Variants in CHST9 observed in about 807,000 individuals in gnomAD.
CHST9 encodes GalNAc-4-sulfotransferase 2.
CHST9 carries 41 observed loss-of-function variants against 44.4 expected under a neutral mutation model. That is an observed-to-expected ratio of 0.92 (90% CI 0.72 to 1.20). CHST9 has a LOEUF of 1.20. Ranked by LOEUF, CHST9 falls within the 50% of genes most tolerant of loss-of-function variation. The pLI is 0.00. For missense variants in CHST9, 504 were observed against 516.5 expected, an observed-to-expected ratio of 0.98 and a Z score of 0.23; for synonymous variants, 171 against 178.4, an observed-to-expected ratio of 0.96 and a Z score of 0.33.
chr18:27,018,579 T>C (rs1296602702), intron 4 of CHST9, among the ~76,000 whole-genome samples: 1 of 152,172 alleles, frequency 6.6e-6, no homozygotes, highest in East Asian at 1.9e-4. Context: ...CAAACAGTAC[T>C]TTTTCTTTCC....
At chr18:27,073,686 T>G (rs1365953930) in intron 2 of CHST9, among the ~76,000 whole-genome samples, 1 of 151,824 alleles carries the variant, frequency 6.6e-6, no homozygotes, top group Non-Finnish European at 1.5e-5. Context: ...GATTGACGTA[T>G]TCAGTAGCCA....
intron 2 of CHST9, among the ~76,000 whole-genome samples, chr18:27,051,409 A>G (rs2057565385): frequency 6.6e-6 from 1 of 152,154 alleles, no homozygotes; most frequent in Non-Finnish European, 1.5e-5. Flanking sequence ...ACAAAGCAGG[A>G]CCCCATCTCA....
chr18:26,987,841 T>C (rs1383065434), intron 4 of CHST9, among the ~76,000 whole-genome samples: 2 of 152,098 alleles, frequency 1.3e-5, no homozygotes, highest in African/African-American at 4.8e-5. Context: ...CGAAGAGAAA[T>C]TGGCAGTCTG....
At chr18:27,164,448 GA>G (rs2058774705) in intron 1 of CHST9, among the ~76,000 whole-genome samples, 1 of 151,540 alleles carries the variant, frequency 6.6e-6, no homozygotes, top group African/African-American at 2.4e-5. Flanking sequence ...AATTGAAGAG[GA>G]AAAAAAGCCA....
intron 1 of CHST9, among the ~76,000 whole-genome samples, chr18:27,158,504 T>A (rs62082923): frequency 0.27 from 39,692 of 144,708 alleles, 5,930 homozygotes; most frequent in Middle Eastern, 0.39. Context: ...CAGTCTATCA[T>A]TGTTGGACAT....
intron 1 of CHST9, among the ~76,000 whole-genome samples, chr18:27,154,480 G>T (rs1433670746): frequency 6.6e-6 from 1 of 152,020 alleles, no homozygotes. Flanking sequence ...GTGGACAAGG[G>T]AGTGGAATGA....
At chr18:27,111,198 G>A (rs2058268039) in intron 2 of CHST9, among the ~76,000 whole-genome samples, 1 of 152,104 alleles carries the variant, frequency 6.6e-6, no homozygotes, top group South Asian at 2.1e-4. Context: ...ACAGCACATG[G>A]GACTATTATC....
chr18:27,122,180 C>T (rs1016655920), intron 2 of CHST9, among the ~76,000 whole-genome samples: 6 of 152,154 alleles, frequency 3.9e-5, no homozygotes, highest in African/African-American at 1.2e-4. Flanking sequence ...GAATTACAGA[C>T]ATTTCTCATA....
intron 2 of CHST9, among the ~76,000 whole-genome samples, chr18:27,115,457 C>T (rs2058311579): frequency 6.6e-6 from 1 of 152,216 alleles, no homozygotes; most frequent in South Asian, 2.1e-4. Flanking sequence ...AGTGGCTGAA[C>T]CATCTTACAA....
intron 4 of CHST9, among the ~76,000 whole-genome samples, chr18:26,978,079 T>G (rs1001417537): frequency 2.0e-5 from 3 of 147,628 alleles, no homozygotes; most frequent in African/African-American, 4.9e-5. Context: ...ACATCTGCTC[T>G]TTTCCTGTGG....
chr18:27,111,212 T>C (rs2058268171), intron 2 of CHST9, among the ~76,000 whole-genome samples: 1 of 152,258 alleles, frequency 6.6e-6, no homozygotes, highest in South Asian at 2.1e-4. Flanking sequence ...TATTATCTGC[T>C]GGATCTTCCA....
intron 2 of CHST9, among the ~76,000 whole-genome samples, chr18:27,118,663 AGGCATCCCATGGTGCCCCTAT>A (rs1466461449): frequency 1.3e-5 from 2 of 152,236 alleles, no homozygotes; most frequent in African/African-American, 4.8e-5. Flanking sequence ...GCTCTGGAGA[AGGCATCCCATGGTGCCCCTAT>A]GGCCCCTGAG....
chr18:27,002,241 T>A (rs1469626796), intron 4 of CHST9, among the ~76,000 whole-genome samples: 3 of 151,984 alleles, frequency 2.0e-5, no homozygotes, highest in South Asian at 2.1e-4. Flanking sequence ...TTTTTTTTTT[T>A]AATTCATTGC....
chr18:27,072,352 A>G (rs1159677712), intron 2 of CHST9, among the ~76,000 whole-genome samples: 1 of 152,126 alleles, frequency 6.6e-6, no homozygotes, highest in African/African-American at 2.4e-5. Context: ...CTGTACAACC[A>G]GGGTTGTCAG....
intron 2 of CHST9, among the ~76,000 whole-genome samples, chr18:27,087,787 A>T (rs1394947999): frequency 6.6e-6 from 1 of 152,236 alleles, no homozygotes; most frequent in East Asian, 1.9e-4. Flanking sequence ...GCTAATGTAT[A>T]CAACAGTCCC....
chr18:26,972,999 A>G (rs574158523), intron 4 of CHST9, among the ~76,000 whole-genome samples: 61 of 152,272 alleles, frequency 4.0e-4, no homozygotes, highest in Non-Finnish European at 7.5e-4. Context: ...CCTTTTGGTC[A>G]CTTGATTACA....
intron 2 of CHST9, among the ~76,000 whole-genome samples, chr18:27,096,177 G>A (rs1231728587): frequency 6.6e-6 from 1 of 152,040 alleles, no homozygotes; most frequent in Non-Finnish European, 1.5e-5. Context: ...ACTTGCTCTT[G>A]AATGACTTTT....
chr18:27,127,937 A>C (rs966476853), intron 2 of CHST9, among the ~76,000 whole-genome samples: 7 of 152,042 alleles, frequency 4.6e-5, no homozygotes, highest in Non-Finnish European at 1.0e-4. Flanking sequence ...GACAGAGGAG[A>C]GGTGATCTGC....
At chr18:26,951,021 T>A (rs1290484319) in intron 4 of CHST9, among the ~76,000 whole-genome samples, 1 of 151,914 alleles carries the variant, frequency 6.6e-6, no homozygotes, top group Non-Finnish European at 1.5e-5. Flanking sequence ...AAGTGGAGAG[T>A]CATCCCAGAT....
Sources: allele counts gnomAD v4.1 joint callset (sites outside exome capture counted in the v4.1 genomes callset), GRCh38; gene constraint gnomAD v4.1.1; transcripts MANE v1.5; gene names NCBI Gene and HGNC (gene_info 2026-07-23, HGNC 2026-07-21).